DPP6: variants seen among roughly 807,000 people sequenced by gnomAD.
DPP6 encodes dipeptidyl peptidase like 6, also known as A-type potassium channel modulatory protein DPP6.
A neutral mutation model predicts 122.6 loss-of-function variants in DPP6; 69 were observed. The observed-to-expected ratio is 0.56, with a 90% CI of 0.46 to 0.69. The LOEUF (loss-of-function observed/expected upper bound fraction) is 0.69. Among genes scored for constraint, DPP6 ranks in the 30% least tolerant of loss-of-function variants. The pLI, the probability that DPP6 is intolerant of heterozygous loss-of-function variation, is 0.00. For missense variants in DPP6, 928 were observed against 1,116.9 expected (o/e 0.83, Z 2.41); for synonymous variants, 418 against 433.1 (o/e 0.97, Z 0.43).
intron 1 of DPP6, among the ~76,000 whole-genome samples, chr7:154,057,038 C>T (rs1241697016): frequency 4.6e-5 from 7 of 152,236 alleles, no homozygotes; most frequent in Non-Finnish European, 8.8e-5. Flanking sequence ...ATTGCAGGAG[C>T]ATGGAGAGTT....
chr7:154,805,496 T>C lies in DPP6; in HGVS notation c.1547+532T>C, dbSNP rs547046357. ...GTTATTTGGGATCAGGGTAGGTAAA[T>C]GAAATTTGATTAGAAAAAAAAGGTT... On this transcript the variant is annotated intron_variant, in intron 15 of 25. Coordinates refer to ENST00000377770, the MANE Select transcript of DPP6 (RefSeq NM_130797.4). Among the ~76,000 whole-genome samples the C allele has an allele frequency of 2.3e-3, 333 of 145,270 alleles. 1 individual carries two copies. Among genetic ancestry groups the C allele is most frequent in the Non-Finnish European group, 3.8e-3 (244 of 64,506 alleles).
chr7:154,613,652 A>G (rs917577928), intron 5 of DPP6, among the ~76,000 whole-genome samples: 7 of 134,156 alleles, frequency 5.2e-5, no homozygotes, highest in African/African-American at 1.1e-4. Context: ...AAAAAAAAAA[A>G]AGTAGATGAA....
the DPP6 span, among the ~76,000 whole-genome samples, chr7:153,870,611 C>T: frequency 1.3e-5 from 2 of 152,178 alleles, no homozygotes; most frequent in South Asian, 4.1e-4. Flanking sequence ...TCCTTTAGCT[C>T]AGAGTAGTTT....
rs190260888 is a variant in DPP6, at chr7:154,809,502, G to A, written c.1666+2390G>A. Among the ~76,000 whole-genome samples, 9 of 152,276 alleles carry A rather than the reference G, an allele frequency of 5.9e-5. No individual in the cohort carries two copies. In the South Asian group the frequency reaches 8.3e-4, roughly 14 times the overall value. The stretch of plus-strand genomic sequence containing the variant: ...TAAAGAAAGAATTCTGGAGGTATCT[G>A]GGTCCTATCAGGAGCTGACTCCTGG... On this transcript the variant is annotated intron_variant, in intron 16 of 25. Coordinates refer to ENST00000377770, the MANE Select transcript of DPP6 (RefSeq NM_130797.4).
At chr7:154,299,318 A>C (rs889318661) in intron 1 of DPP6, among the ~76,000 whole-genome samples, 8 of 152,116 alleles carry the variant, frequency 5.3e-5, no homozygotes, top group African/African-American at 1.9e-4. Flanking sequence ...GAAAACCAAA[A>C]CCAAACCCAA....
At chr7:154,496,477 G>T (rs536089057) in intron 3 of DPP6, among the ~76,000 whole-genome samples, 1 of 152,280 alleles carries the variant, frequency 6.6e-6, no homozygotes, top group South Asian at 2.1e-4. Flanking sequence ...ATAATTTTCA[G>T]CATGTTTTAC....
intron 20 of DPP6, among the ~76,000 whole-genome samples, chr7:154,878,630 C>T (rs1016380336): frequency 6.6e-6 from 1 of 152,222 alleles, no homozygotes; most frequent in Admixed American, 6.5e-5. Context: ...TCCACCACCA[C>T]CATATCCTCA....
chr7:153,856,347 G>C, the DPP6 span, among the ~76,000 whole-genome samples: 4 of 152,170 alleles, frequency 2.6e-5, no homozygotes, highest in Non-Finnish European at 5.9e-5. Context: ...ATTTGTATGA[G>C]GCTTTGGTTA....
chr7:154,522,760 C>A (rs537517804), intron 3 of DPP6, among the ~76,000 whole-genome samples: 3 of 152,288 alleles, frequency 2.0e-5, no homozygotes, highest in South Asian at 4.1e-4. Flanking sequence ...AAACTGCAGC[C>A]CCGCTGTAGA....
chr7:154,462,691 G>A (rs1309999105), intron 2 of DPP6, among the ~76,000 whole-genome samples: 2 of 151,784 alleles, frequency 1.3e-5, no homozygotes, highest in East Asian at 1.9e-4. Flanking sequence ...GGGTACATGT[G>A]CACAACGTGC....
At chr7:153,772,786 A>G in the DPP6 span, among the ~76,000 whole-genome samples, 1 of 148,740 alleles carries the variant, frequency 6.7e-6, no homozygotes, top group Non-Finnish European at 1.5e-5. Flanking sequence ...TAACACAAAG[A>G]AGCTGGAGTA....
intron 1 of DPP6, among the ~76,000 whole-genome samples, chr7:153,926,026 G>C (rs899948049): frequency 6.6e-6 from 1 of 152,108 alleles, no homozygotes; most frequent in Admixed American, 6.6e-5. Context: ...CCTCACACCC[G>C]TTAGGGAACA....
At chr7:154,133,941 C>T (rs1231612911) in intron 1 of DPP6, among the ~76,000 whole-genome samples, 2 of 151,570 alleles carry the variant, frequency 1.3e-5, no homozygotes, top group Non-Finnish European at 2.9e-5. Context: ...CACCTCTGCT[C>T]AGCAGCCTGC....
At chr7:154,413,982 T>A (rs975588193) in intron 1 of DPP6, among the ~76,000 whole-genome samples, 5 of 152,194 alleles carry the variant, frequency 3.3e-5, no homozygotes, top group African/African-American at 1.2e-4. Flanking sequence ...TGAGAATAAG[T>A]GAAGCATGGA....
rs1206467322 is a variant in DPP6 at position 154,760,268 on chromosome 7, A to G, written c.884-9149A>G. Among the ~76,000 whole-genome samples the G allele has an allele frequency of 6.6e-6, 1 of 152,158 alleles. No homozygotes were observed. The highest frequency in any genetic ancestry group is 2.4e-5 in the African/African-American group (1 of 41,430). On this transcript the variant is annotated intron_variant, in intron 8 of 25. Transcript: ENST00000377770. This position sits in a 1 kb window ranked among gnomAD's most constrained non-coding sequence, Gnocchi z 4.5. ...GATTAGCAGGTGATTGGTGGAAGGA[A>G]CGGGGAGGTTTGGAAAGTCCTTCAG...
chr7:154,075,204 T>G (rs1480248378), intron 1 of DPP6, among the ~76,000 whole-genome samples: 1 of 151,732 alleles, frequency 6.6e-6, no homozygotes, highest in Non-Finnish European at 1.5e-5. Flanking sequence ...ACACTGCTTG[T>G]AGGAATGTAA....
chr7:154,239,536 GTCACTTTATTGTAAGA>G (rs148555224), intron 1 of DPP6, among the ~76,000 whole-genome samples: 7,356 of 152,090 alleles, frequency 0.048, 588 homozygotes, highest in African/African-American at 0.17. Context: ...TCCTCTAGCA[GTCACTTTATTGTAAGA>G]TCACTTTATT....
At chr7:154,082,347 G>A (rs1369008129) in intron 1 of DPP6, among the ~76,000 whole-genome samples, 2 of 152,140 alleles carry the variant, frequency 1.3e-5, no homozygotes, top group African/African-American at 4.8e-5. Context: ...CTAATTTATA[G>A]AGGAGAAAAC....
chr7:154,863,186 G>A lies in DPP6; in HGVS notation c.1715-4809G>A, dbSNP rs903233826. Among the ~76,000 whole-genome samples the A allele has an allele frequency of 6.6e-6, 1 of 152,184 alleles. No homozygotes were observed. The highest frequency in any genetic ancestry group is 2.4e-5 in the African/African-American group (1 of 41,432). On this transcript the variant is annotated intron_variant, in intron 17 of 25. Coordinates refer to ENST00000377770, the MANE Select transcript of DPP6 (RefSeq NM_130797.4). This position sits in a 1 kb window ranked among gnomAD's most constrained non-coding sequence, Gnocchi z 4.1. The stretch of plus-strand genomic sequence containing the variant: ...CAAAGCATTGGGATTACAGACGTGA[G>A]CCACCGCACCCGAACCCTTTCCTTT...
Sources: gnomAD v4.1 joint callset for allele counts (sites outside exome capture counted in the v4.1 genomes callset) on GRCh38, gnomAD v4.1.1 for gene constraint, Gnocchi (gnomAD v3.1) non-coding constraint, MANE v1.5 for transcripts, NCBI Gene and HGNC (gene_info 2026-07-23, HGNC 2026-07-21) for gene names.